ERC1: variants seen among roughly 807,000 people sequenced by gnomAD.
The protein encoded by ERC1 is ELKS/RAB6-interacting/CAST family member 1, also known as RAB6 interacting protein 2.
Under a neutral mutation model 132.0 loss-of-function variants are expected in ERC1, and 56 were observed. The observed-to-expected ratio is 0.42, with a 90% CI of 0.34 to 0.53. The LOEUF is 0.53. Among genes scored for constraint, ERC1 ranks in the 20% least tolerant of loss-of-function variants. The pLI, the probability that ERC1 is intolerant of heterozygous loss-of-function variation, is 0.03. For synonymous variants in ERC1, 478 were observed against 476.1 expected, an observed-to-expected ratio of 1.00 and a Z score of -0.05; for missense variants, 1,202 against 1,349.9, an observed-to-expected ratio of 0.89 and a Z score of 1.72.
At chr12:1,047,553 A>G (rs1239720369) in intron 2 of ERC1, among the ~76,000 whole-genome samples, 1 of 152,210 alleles carries the variant, frequency 6.6e-6, no homozygotes, top group Non-Finnish European at 1.5e-5. Flanking sequence ...TGAATGAAAG[A>G]ATATTGACAA....
chr12:1,242,365 T>A (rs2075866753), intron 13 of ERC1, among the ~76,000 whole-genome samples: 1 of 152,198 alleles, frequency 6.6e-6, no homozygotes, highest in Non-Finnish European at 1.5e-5. Flanking sequence ...TCATTCCTCT[T>A]TATTCCTATT....
chr12:1,125,268 A>G (rs1185426099), intron 7 of ERC1, among the ~76,000 whole-genome samples: 1 of 151,904 alleles, frequency 6.6e-6, no homozygotes, highest in Non-Finnish European at 1.5e-5. Context: ...TGCTGGGATT[A>G]CAGGCATGAG....
chr12:1,325,289 T>C (rs2082370952), intron 15 of ERC1, among the ~76,000 whole-genome samples: 1 of 152,178 alleles, frequency 6.6e-6, no homozygotes, highest in Non-Finnish European at 1.5e-5. Flanking sequence ...CTTTCTTGCT[T>C]AGTTTCGCTT....
chr12:1,032,216 T>G (rs112398477), intron 2 of ERC1, among the ~76,000 whole-genome samples: 4,298 of 152,234 alleles, frequency 0.028, 85 homozygotes, highest in South Asian at 0.092. Flanking sequence ...CACACCTGGC[T>G]AATTTTTGTA....
chr12:1,184,358 T>C (rs1210535741), intron 11 of ERC1, among the ~76,000 whole-genome samples: 1 of 152,138 alleles, frequency 6.6e-6, no homozygotes, highest in Non-Finnish European at 1.5e-5. Context: ...CTTAGCAACT[T>C]ATTGGGCCTA....
chr12:1,167,078 G>A (rs1258188857), intron 8 of ERC1, among the ~76,000 whole-genome samples: 1 of 152,100 alleles, frequency 6.6e-6, no homozygotes, highest in Non-Finnish European at 1.5e-5. Context: ...AGTTCTAGTT[G>A]AGTGTTTTGA....
At chr12:1,234,564 G>A (rs941824552) in intron 12 of ERC1, among the ~76,000 whole-genome samples, 1 of 151,440 alleles carries the variant, frequency 6.6e-6, no homozygotes. Context: ...TGTTGCTGTA[G>A]TTGGTTGGTT....
At chr12:1,451,287 T>A (rs2093420421) in intron 18 of ERC1, among the ~76,000 whole-genome samples, 1 of 152,182 alleles carries the variant, frequency 6.6e-6, no homozygotes, top group Admixed American at 6.5e-5. Flanking sequence ...TATGTCTGAA[T>A]TTCCATCTGT....
chr12:1,437,899 A>T (rs1435491782), intron 17 of ERC1, among the ~76,000 whole-genome samples: 3 of 152,248 alleles, frequency 2.0e-5, no homozygotes, highest in Non-Finnish European at 4.4e-5. Context: ...TTCAAAACCT[A>T]TAGTCTTTTG....
At chr12:1,317,451 G>C (rs1003643255) in intron 15 of ERC1, among the ~76,000 whole-genome samples, 1 of 152,164 alleles carries the variant, frequency 6.6e-6, no homozygotes, top group African/African-American at 2.4e-5. Flanking sequence ...ACCTAATGTA[G>C]ATGATGGGTT....
chr12:1,423,386 T>G (rs2092499617), intron 17 of ERC1, among the ~76,000 whole-genome samples: 1 of 152,248 alleles, frequency 6.6e-6, no homozygotes, highest in Non-Finnish European at 1.5e-5. Flanking sequence ...AATTTTAACG[T>G]GCCTTTGTTT....
intron 17 of ERC1, among the ~76,000 whole-genome samples, chr12:1,439,565 A>G (rs1388741836): frequency 6.6e-6 from 1 of 152,200 alleles, no homozygotes; most frequent in Non-Finnish European, 1.5e-5. Context: ...TTGGGGCCAT[A>G]ATGACGTTTT....
chr12:1,411,059 G>T (rs1442290766), intron 17 of ERC1, among the ~76,000 whole-genome samples: 2 of 152,002 alleles, frequency 1.3e-5, no homozygotes, highest in Admixed American at 6.6e-5. Flanking sequence ...GCAAAGTAAA[G>T]GAAAACTTTT....
chr12:1,164,271 GTTATT>G (rs978677685), intron 8 of ERC1, among the ~76,000 whole-genome samples: 3 of 73,132 alleles, frequency 4.1e-5, no homozygotes, highest in South Asian at 3.0e-4. Flanking sequence ...ATTTTATGTT[GTTATT>G]TTATGTTATT....
At chr12:1,097,085 T>C (rs1944132420) in intron 3 of ERC1, among the ~76,000 whole-genome samples, 1 of 152,234 alleles carries the variant, frequency 6.6e-6, no homozygotes, top group African/African-American at 2.4e-5. Context: ...GATTTGCCCT[T>C]AATTCCTCCT....
At chr12:1,372,380 A>G (rs1381673747) in intron 16 of ERC1, among the ~76,000 whole-genome samples, 1 of 152,184 alleles carries the variant, frequency 6.6e-6, no homozygotes, top group East Asian at 1.9e-4. Flanking sequence ...AGCTCTGAAG[A>G]TAAGAACAAA....
At chr12:1,268,935 TGA>T (rs528255184) in intron 14 of ERC1, among the ~76,000 whole-genome samples, 16 of 151,974 alleles carry the variant, frequency 1.1e-4, no homozygotes, top group Non-Finnish European at 2.1e-4. Context: ...GAGAAAAAGA[TGA>T]GAGAGTAAGG....
chr12:1,382,696 C>T (rs1375159760), intron 16 of ERC1, among the ~76,000 whole-genome samples: 1 of 152,118 alleles, frequency 6.6e-6, no homozygotes, highest in Non-Finnish European at 1.5e-5. Context: ...TTACCTGTAG[C>T]TGTATCGTCT....
intron 1 of ERC1, among the ~76,000 whole-genome samples, chr12:999,680 C>T (rs1376859102): frequency 6.7e-6 from 1 of 149,126 alleles, no homozygotes; most frequent in Non-Finnish European, 1.5e-5. Context: ...GGTGCAACCT[C>T]CGCCTCCCGG....
Sources: gnomAD v4.1 joint callset for allele counts (sites outside exome capture counted in the v4.1 genomes callset) on GRCh38, gnomAD v4.1.1 for gene constraint, MANE v1.5 for transcripts, NCBI Gene and HGNC (gene_info 2026-07-23, HGNC 2026-07-21) for gene names.